Variants in PARD3B observed in about 807,000 individuals in gnomAD.
The protein encoded by PARD3B is partitioning defective 3 homolog B.
Under a neutral mutation model 130.2 loss-of-function variants are expected in PARD3B, and 103 were observed. The observed-to-expected ratio is 0.79, with a 90% CI of 0.67 to 0.93. The LOEUF (loss-of-function observed/expected upper bound fraction) is 0.93, where lower values mean the gene tolerates loss of function less well. PARD3B is among the 40% of genes least tolerant of loss of function. The probability of loss-of-function intolerance (pLI) is 0.00; values close to 1 mark genes in which losing one functional copy is unlikely to be tolerated. For synonymous variants in PARD3B, 583 were observed against 553.2 expected, an observed-to-expected ratio of 1.05 and a Z score of -0.76; for missense variants, 1,609 against 1,499.2, an observed-to-expected ratio of 1.07 and a Z score of -1.21.
intron 22 of PARD3B, among the ~76,000 whole-genome samples, chr2:205,580,703 G>C (rs1353113806): frequency 6.6e-6 from 1 of 152,120 alleles, no homozygotes; most frequent in East Asian, 1.9e-4. Flanking sequence ...AACATGAATG[G>C]ATCTCTTAAT....
chr2:205,483,750 C>G (rs1450955565), intron 20 of PARD3B, among the ~76,000 whole-genome samples: 1 of 151,188 alleles, frequency 6.6e-6, no homozygotes, highest in East Asian at 1.9e-4. Flanking sequence ...TTAAAAATGC[C>G]AAAGTAAATA....
intron 20 of PARD3B, among the ~76,000 whole-genome samples, chr2:205,455,154 T>A (rs1039349996): frequency 1.1e-4 from 16 of 152,080 alleles, no homozygotes; most frequent in African/African-American, 3.9e-4. Flanking sequence ...CTCAGTATAG[T>A]TGTGTGGCTT....
rs569730367 is a variant in PARD3B at position 204,806,683 on chromosome 2, T to C, written c.222+120401T>C. ...TTTAAAAGCTGCACAACAATGGAAATACTCAACAAAGTGAAGAGAGAACCC... is the reference window on the plus strand; with the variant it reads ...TTTAAAAGCTGCACAACAATGGAAACACTCAACAAAGTGAAGAGAGAACCC... On this transcript the variant is annotated intron_variant, in intron 2 of 22. Coordinates refer to ENST00000406610, the MANE Select transcript of PARD3B (RefSeq NM_001302769.2). Among the ~76,000 whole-genome samples, 481 of 152,148 alleles carry C rather than the reference T, an allele frequency of 3.2e-3. 2 individuals are homozygous for C. The highest frequency in any genetic ancestry group is 4.3e-3 in the Non-Finnish European group (294 of 67,966).
intron 18 of PARD3B, among the ~76,000 whole-genome samples, chr2:205,357,578 A>G (rs561593994): frequency 1.3e-5 from 2 of 152,326 alleles, no homozygotes; most frequent in South Asian, 2.1e-4. Flanking sequence ...AGAGTAAAAT[A>G]AGTACACAAA....
At chr2:204,705,559 T>C (rs2038101387) in intron 2 of PARD3B, among the ~76,000 whole-genome samples, 2 of 150,634 alleles carry the variant, frequency 1.3e-5, no homozygotes, top group South Asian at 4.1e-4. Flanking sequence ...TACTAGAAAA[T>C]AACAAAAATA....
intron 2 of PARD3B, among the ~76,000 whole-genome samples, chr2:204,780,739 G>T (rs1487131751): frequency 6.6e-6 from 1 of 152,124 alleles, no homozygotes; most frequent in Non-Finnish European, 1.5e-5. Flanking sequence ...ATACATATCT[G>T]TGCAGTTACA....
At chr2:205,507,032 A>G (rs2050392933) in intron 21 of PARD3B, among the ~76,000 whole-genome samples, 1 of 152,022 alleles carries the variant, frequency 6.6e-6, no homozygotes, top group East Asian at 1.9e-4. Flanking sequence ...AAAGACAGCC[A>G]TCTGCAGCTC....
chr2:205,204,617 A>C (rs1408854083), intron 15 of PARD3B, among the ~76,000 whole-genome samples: 1 of 152,082 alleles, frequency 6.6e-6, no homozygotes, highest in Non-Finnish European at 1.5e-5. Context: ...ATCTTGAGTT[A>C]ATTTTTGTAA....
At chr2:205,404,769 C>T (rs1272960470) in intron 19 of PARD3B, among the ~76,000 whole-genome samples, 1 of 152,164 alleles carries the variant, frequency 6.6e-6, no homozygotes, top group Non-Finnish European at 1.5e-5. Flanking sequence ...CCTGCCTCAG[C>T]CTCCCAAGTG....
chr2:204,575,172 C>T (rs923653956), intron 1 of PARD3B, among the ~76,000 whole-genome samples: 2 of 152,152 alleles, frequency 1.3e-5, no homozygotes, highest in Non-Finnish European at 2.9e-5. Context: ...GGTTTCATTA[C>T]AATCTGTATA....
At chr2:204,718,906 G>C (rs1038372330) in intron 2 of PARD3B, among the ~76,000 whole-genome samples, 1 of 152,098 alleles carries the variant, frequency 6.6e-6, no homozygotes, top group East Asian at 1.9e-4. Context: ...ACACATATAT[G>C]TATCGTTGCA....
intron 1 of PARD3B, among the ~76,000 whole-genome samples, chr2:204,625,422 A>G (rs567781531): frequency 6.6e-6 from 1 of 152,300 alleles, no homozygotes; most frequent in East Asian, 1.9e-4. Flanking sequence ...ATTCATGTAG[A>G]AAGCATCACT....
intron 4 of PARD3B, among the ~76,000 whole-genome samples, chr2:205,100,104 GCTAT>G (rs1559436064): frequency 6.6e-6 from 1 of 151,976 alleles, no homozygotes; most frequent in Non-Finnish European, 1.5e-5. Context: ...ATCTTTACTT[GCTAT>G]CTAACTGGAA....
chr2:205,226,525 AT>A (rs894236487), intron 15 of PARD3B, among the ~76,000 whole-genome samples: 215 of 151,418 alleles, frequency 1.4e-3, no homozygotes, highest in African/African-American at 4.7e-3. Flanking sequence ...TGTAGATTTG[AT>A]TTTTTTTTAT....
chr2:204,906,665 T>A lies in PARD3B; in HGVS notation c.223-58487T>A, dbSNP rs1186830861. ...AGATATATTAGCAGCCTAACTAATA[T>A]TTGTAAAAAGAGTGAGTTCAAAATT... On this transcript the variant is annotated intron_variant, in intron 2 of 22. Transcript: ENST00000406610. The surrounding 1 kb of genome is among the most constrained non-coding windows in gnomAD (Gnocchi z 4.3). Among the ~76,000 whole-genome samples, 1 of 152,238 alleles carries A rather than the reference T, an allele frequency of 6.6e-6. No homozygotes were observed. The highest frequency in any genetic ancestry group is 1.5e-5 in the Non-Finnish European group (1 of 68,040).
intron 2 of PARD3B, among the ~76,000 whole-genome samples, chr2:204,753,377 A>C (rs1290358002): frequency 4.6e-5 from 7 of 152,174 alleles, no homozygotes; most frequent in African/African-American, 1.4e-4. Context: ...TAAATGATTC[A>C]TAATTTGAAG....
intron 2 of PARD3B, among the ~76,000 whole-genome samples, chr2:204,760,355 TACAA>T (rs1461919778): frequency 6.6e-6 from 1 of 152,066 alleles, no homozygotes; most frequent in Non-Finnish European, 1.5e-5. Context: ...TTCTCTTGTA[TACAA>T]ACAATGGAAT....
At chr2:205,112,228 A>G (rs1016583328) in intron 5 of PARD3B, among the ~76,000 whole-genome samples, 1 of 152,132 alleles carries the variant, frequency 6.6e-6, no homozygotes, top group Non-Finnish European at 1.5e-5. Context: ...TTGAAATTTC[A>G]TCATATTCCA....
chr2:205,113,516 T>G lies in PARD3B; in HGVS notation c.619T>G (p.Ser207Ala). The G allele has an allele frequency of 6.2e-7, 1 of 1,613,512 alleles. No homozygotes were observed. The highest frequency in any genetic ancestry group is 8.5e-7 in the Non-Finnish European group (1 of 1,179,626). Residue 207 changes from serine (S) to alanine (A), a missense_variant, in exon 6 of 23, where the codon TCT (serine) becomes GCT (alanine). Coordinates refer to ENST00000406610, the MANE Select transcript of PARD3B (RefSeq NM_001302769.2). Reference sequence around the variant, plus strand: ...TGATATGACAAGAACAGTGGAGATTTCTGGGGAAGGAGGCCCATTGGGAAT... The same window carrying G: ...TGATATGACAAGAACAGTGGAGATTGCTGGGGAAGGAGGCCCATTGGGAAT... ...LSDMTRTVEISGEGGPLGIHV... is the reference protein window; with the variant it reads ...LSDMTRTVEIAGEGGPLGIHV...
Sources: allele counts gnomAD v4.1 joint callset (sites outside exome capture counted in the v4.1 genomes callset), GRCh38; gene constraint gnomAD v4.1.1; non-coding constraint Gnocchi (gnomAD v3.1); transcripts MANE v1.5; gene names NCBI Gene and HGNC (gene_info 2026-07-23, HGNC 2026-07-21).